The following ARHGAP22 variants were observed in gnomAD, a reference collection of about 807,000 sequenced individuals.
The protein encoded by ARHGAP22 is rho GTPase-activating protein 22.
In ARHGAP22, 48 loss-of-function variants were observed where a neutral mutation model predicts 59.1. The ratio of observed to expected loss-of-function variants is 0.81; its 90% CI spans 0.64 to 1.03. The LOEUF is 1.03. Ranked by LOEUF, ARHGAP22 falls within the 50% of genes least tolerant of loss-of-function variation. ARHGAP22 has a pLI of 0.00. For missense variants in ARHGAP22, 1,015 were observed against 958.7 expected (o/e 1.06, Z -0.78); for synonymous variants, 445 against 416.4 (o/e 1.07, Z -0.84).
At chr10:48,478,291 G>A (rs2048932448) in intron 4 of ARHGAP22, among the ~76,000 whole-genome samples, 1 of 152,222 alleles carries the variant, frequency 6.6e-6, no homozygotes, top group South Asian at 2.1e-4. Flanking sequence ...GACCAAGGCT[G>A]ACAGTGTGAT....
intron 6 of ARHGAP22, 121 bp from the exon 7 acceptor site, chr10:48,454,282 A>G: frequency 1.1e-6 from 1 of 870,688 alleles, no homozygotes; most frequent in Non-Finnish European, 1.9e-6. Context: ...GCCCCAACAG[A>G]CCAGAGGGCT....
At chr10:48,501,312 T>C (rs1413234265) in intron 3 of ARHGAP22, among the ~76,000 whole-genome samples, 1 of 152,222 alleles carries the variant, frequency 6.6e-6, no homozygotes, top group Non-Finnish European at 1.5e-5. Context: ...TTGTTACCTA[T>C]TTTAAAAAAC....
chr10:48,611,285 AG>A (rs2060873795), intron 1 of ARHGAP22, among the ~76,000 whole-genome samples: 1 of 152,194 alleles, frequency 6.6e-6, no homozygotes, highest in African/African-American at 2.4e-5. Flanking sequence ...TGGGCTAGGC[AG>A]GGTCCCTGCT....
intron 3 of ARHGAP22, among the ~76,000 whole-genome samples, chr10:48,526,708 G>A (rs1180169510): frequency 2.0e-5 from 3 of 152,186 alleles, no homozygotes; most frequent in Non-Finnish European, 2.9e-5. Flanking sequence ...ATTGTGGGCC[G>A]CTTGTTTATC....
At chr10:48,520,381 G>A (rs560465704) in intron 3 of ARHGAP22, among the ~76,000 whole-genome samples, 250 of 152,352 alleles carry the variant, frequency 1.6e-3, no homozygotes, top group African/African-American at 5.7e-3. Context: ...GCAGCCCTCA[G>A]CAGCCCAGGA....
the ARHGAP22 span, chr10:48,435,394 A>G: frequency 5.8e-6 from 1 of 173,602 alleles, no homozygotes; most frequent in East Asian, 1.6e-4. Flanking sequence ...TGACTTGCCT[A>G]TATCATGAAT....
intron 3 of ARHGAP22, among the ~76,000 whole-genome samples, chr10:48,551,591 A>G (rs928896417): frequency 6.6e-6 from 1 of 152,202 alleles, no homozygotes. Flanking sequence ...CCGCAGCTTC[A>G]GGGAGGAGAC....
In ARHGAP22 at chr10:48,555,490, C is replaced by CT; in HGVS notation, c.294dup (p.Gly99ArgfsTer6). 4 of 1,614,200 alleles carry CT rather than the reference C, an allele frequency of 2.5e-6. No homozygotes were observed. Among genetic ancestry groups the CT allele is most frequent in the Non-Finnish European group, 3.4e-6 (4 of 1,180,026 alleles). On this transcript the variant is annotated frameshift_variant, in exon 3 of 10. Transcript: ENST00000249601. LOFTEE classifies it high-confidence loss of function. ...GGGCTGATCTCAAAGAGGTGCTTCC[C>CT]TGGGTCCTCGGGGCCAGGAGGAAGT...
At chr10:48,527,658 G>A (rs956035921) in intron 3 of ARHGAP22, among the ~76,000 whole-genome samples, 4 of 152,202 alleles carry the variant, frequency 2.6e-5, no homozygotes, top group Non-Finnish European at 4.4e-5. Flanking sequence ...CATGGGCTGC[G>A]ACTGGCAAAG....
At chr10:48,436,494 G>A in the ARHGAP22 span, 1 of 152,106 alleles carries the variant, frequency 6.6e-6, no homozygotes, top group Admixed American at 6.6e-5. Context: ...GGAACAAGAG[G>A]GATTTCATGT....
chr10:48,472,580 A>G (rs56342922), intron 4 of ARHGAP22, among the ~76,000 whole-genome samples: 26,221 of 152,088 alleles, frequency 0.17, 2,535 homozygotes, highest in African/African-American at 0.26. Flanking sequence ...CTAGAGTACT[A>G]AAAGGGGCCC....
At chr10:48,508,936 G>T (rs560583885) in intron 3 of ARHGAP22, among the ~76,000 whole-genome samples, 36 of 152,374 alleles carry the variant, frequency 2.4e-4, no homozygotes, top group Admixed American at 1.2e-3. Context: ...TACCACTGGG[G>T]CAGGGGAGAG....
intron 1 of ARHGAP22, among the ~76,000 whole-genome samples, chr10:48,623,675 A>C (rs1456775313): frequency 3.9e-5 from 6 of 152,280 alleles, no homozygotes; most frequent in African/African-American, 1.4e-4. Flanking sequence ...CTGGATGCTA[A>C]AGAACCCTGG....
chr10:48,431,937 A>G, the ARHGAP22 span, among the ~76,000 whole-genome samples: 4 of 152,338 alleles, frequency 2.6e-5, no homozygotes, highest in African/African-American at 4.8e-5. Flanking sequence ...ATCCTAAGGT[A>G]TAGGATTATT....
intron 1 of ARHGAP22, among the ~76,000 whole-genome samples, chr10:48,600,126 T>C (rs2060295339): frequency 6.6e-6 from 1 of 152,228 alleles, no homozygotes; most frequent in African/African-American, 2.4e-5. Context: ...AAGATTAAAA[T>C]AGGACATTTG....
intron 3 of ARHGAP22, among the ~76,000 whole-genome samples, chr10:48,500,178 C>T (rs1407875148): frequency 6.6e-6 from 1 of 152,038 alleles, no homozygotes; most frequent in East Asian, 1.9e-4. Context: ...CCTCTGTAGA[C>T]AATAATAATT....
Position 48,582,938 on chromosome 10 carries a change from A to T in ARHGAP22, c.234+15T>A. On this transcript the variant is annotated intron_variant, in intron 2 of 9. Transcript: ENST00000249601. ...TGCCACGATGCCCACGGCACACCGG[A>T]CATGCACTTCTCACCTGGGGCTTGA... 1 of 1,613,940 alleles carries T rather than the reference A, an allele frequency of 6.2e-7. No homozygotes were observed. Among genetic ancestry groups the T allele is most frequent in the Non-Finnish European group, 8.5e-7 (1 of 1,179,844 alleles).
intron 3 of ARHGAP22, among the ~76,000 whole-genome samples, chr10:48,537,418 T>A (rs973238668): frequency 6.6e-6 from 1 of 152,134 alleles, no homozygotes; most frequent in Non-Finnish European, 1.5e-5. Flanking sequence ...TCACTATGGG[T>A]GTGTTGCTCC....
intron 1 of ARHGAP22, among the ~76,000 whole-genome samples, chr10:48,590,506 C>T (rs1339822581): frequency 6.6e-6 from 1 of 152,148 alleles, no homozygotes; most frequent in East Asian, 1.9e-4. Flanking sequence ...GCCCTACCTG[C>T]TGGGATTGGA....
Sources: allele counts gnomAD v4.1 joint callset (sites outside exome capture counted in the v4.1 genomes callset), GRCh38; gene constraint gnomAD v4.1.1; transcripts MANE v1.5; gene names NCBI Gene and HGNC (gene_info 2026-07-23, HGNC 2026-07-21).